Variants in P4HA2 observed in about 807,000 individuals in gnomAD.
P4HA2 encodes prolyl 4-hydroxylase subunit alpha 2.
In P4HA2, 46 loss-of-function variants were observed where a neutral mutation model predicts 76.9. That is an observed-to-expected ratio of 0.60 (90% CI 0.47 to 0.76). The LOEUF is 0.76. P4HA2 is among the 30% of genes least tolerant of loss of function. The pLI, the probability that P4HA2 is intolerant of heterozygous loss-of-function variation, is 0.00. For missense variants in P4HA2, 583 were observed against 669.4 expected, an observed-to-expected ratio of 0.87 and a Z score of 1.42; for synonymous variants, 243 against 254.0, an observed-to-expected ratio of 0.96 and a Z score of 0.41.
chr5:132,224,450 A>C (rs1755073247), intron 1 of P4HA2, among the ~76,000 whole-genome samples: 1 of 152,254 alleles, frequency 6.6e-6, no homozygotes. Flanking sequence ...GAGAAACATC[A>C]GTGGACCTGA....
intron 4 of P4HA2, 119 bp from the exon 5 acceptor site, chr5:132,214,172 C>T: frequency 2.0e-6 from 2 of 983,704 alleles, no homozygotes; most frequent in Non-Finnish European, 3.0e-6. Flanking sequence ...CGCCCCCTCC[C>T]TCAAAGGCTG....
rs894382745 is a variant in P4HA2 at position 132,194,931 on chromosome 5, T to C, written c.1526A>G (p.Lys509Arg). Reference protein sequence around the residue: ...HAACPVLVGCKWVSNKWFHER... With the variant: ...HAACPVLVGCRWVSNKWFHER... ...CTACCCCTTAAGACACTCACCCCAC[T>C]TGCAGCCCACAAGCACAGGGCAGGC... The change falls in exon 14 of 15, where the codon AAG becomes AGG. Residue 509 changes from lysine to arginine, a missense_variant. By Grantham distance (26) the Lys-to-Arg change is conservative. Coordinates refer to ENST00000360568, the MANE Select transcript of P4HA2 (RefSeq NM_001017974.2). The C allele has an allele frequency of 6.2e-6, 10 of 1,609,324 alleles. No homozygotes were observed. Among genetic ancestry groups the C allele is most frequent in the Non-Finnish European group, 8.5e-6 (10 of 1,175,716 alleles).
intron 8 of P4HA2, 36 bp downstream of exon 8, chr5:132,207,671 CT>C: frequency 6.3e-7 from 1 of 1,588,008 alleles, no homozygotes; most frequent in Non-Finnish European, 8.6e-7. Context: ...GACCTTCCCC[CT>C]TCAGTGACCC....
intron 1 of P4HA2, among the ~76,000 whole-genome samples, chr5:132,219,335 A>G (rs1422578728): frequency 6.6e-6 from 1 of 152,136 alleles, no homozygotes; most frequent in African/African-American, 2.4e-5. Context: ...TTCATTCACA[A>G]ATATTTACTG....
rs1755614420 is a variant in P4HA2 at position 132,227,834 on chromosome 5, T to C, written c.-63A>G. 1 of 152,202 alleles carries C rather than the reference T, an allele frequency of 6.6e-6. No homozygotes were observed. Among genetic ancestry groups the C allele is most frequent in the Non-Finnish European group, 1.5e-5 (1 of 68,074 alleles). 9.4% of individuals were successfully genotyped at this position (152,202 alleles called of 1,614,324 possible). ...GGCGTTTCCAGAACCTCCCGCGGCG[T>C]CGCCCGGTCAGCTCGGCGCCTCCTC... On this transcript the variant is annotated 5_prime_UTR_variant, in exon 1 of 15. Transcript: ENST00000360568.
chr5:132,214,221 A>G (rs1265530625), intron 4 of P4HA2, among the ~76,000 whole-genome samples, 168 bp from the exon 5 acceptor site: 3 of 146,702 alleles, frequency 2.0e-5, no homozygotes, highest in African/African-American at 7.6e-5. Context: ...TGATGACTCC[A>G]GTCTATGGGG....
At chr5:132,217,633 C>T in intron 3 of P4HA2, 119 bp downstream of exon 3, 1 of 751,890 alleles carries the variant, frequency 1.3e-6, no homozygotes. Context: ...AGTAACCAGG[C>T]CAGCCCCACA....
At chr5:132,226,232 T>C (rs569947241) in intron 1 of P4HA2, among the ~76,000 whole-genome samples, 1 of 152,108 alleles carries the variant, frequency 6.6e-6, no homozygotes, top group Admixed American at 6.5e-5. Context: ...AAACATCCTA[T>C]AAATTCTTAG....
At chr5:132,195,762 G>A in intron 12 of P4HA2, 3 of 494,728 alleles carry the variant, frequency 6.1e-6, no homozygotes, top group Non-Finnish European at 1.1e-5. Context: ...ATCTGAGTCT[G>A]TACTCAGAAA....
intron 5 of P4HA2, among the ~76,000 whole-genome samples, chr5:132,211,224 G>A (rs986373661): frequency 6.6e-6 from 1 of 152,230 alleles, no homozygotes; most frequent in Non-Finnish European, 1.5e-5. Context: ...TGTAGAGGGA[G>A]TGCTGGAAAG....
chr5:132,205,216 C>T (rs1343865741), intron 8 of P4HA2, among the ~76,000 whole-genome samples: 1 of 152,152 alleles, frequency 6.6e-6, no homozygotes, highest in African/African-American at 2.4e-5. Context: ...AGAATAGCTT[C>T]CTAGGGGAGG....
rs1754043035 is a variant in P4HA2, at chr5:132,217,288, C to T, written c.240G>A (p.Leu80=). Residue 80 remains leucine (L), a synonymous_variant, in exon 4 of 15, where the codon CTG becomes CTA. Transcript: ENST00000360568. The part of the protein sequence containing the change: ...SKSAADAEGY[L]AHPVNAYKLV... ...GTTTGTAGGCATTCACAGGGTGAGC[C>T]AGGTAGCCCTCAGCATCAGCAGCTG... is the stretch of plus-strand genomic sequence containing the variant. 6.2e-7 allele frequency: 1 copy of T among 1,614,046 alleles called. No individual in the cohort carries two copies. Among genetic ancestry groups the T allele is most frequent in the African/African-American group, 1.3e-5 (1 of 74,930 alleles).
chr5:132,196,018 C>T (rs879392535), intron 12 of P4HA2, among the ~76,000 whole-genome samples: 1 of 152,110 alleles, frequency 6.6e-6, no homozygotes, highest in Non-Finnish European at 1.5e-5. Flanking sequence ...CTCTAGAGGC[C>T]CTGCTTTCTC....
Position 132,211,540 on chromosome 5 carries a change from G to A in P4HA2, c.470-1017C>T, listed in dbSNP as rs80339197. ...TCAGAGACCAGGGTCTGCTAACCCC[G>A]GTGGCTCAGGAACCAATAACGAGGA... is the stretch of plus-strand genomic sequence containing the variant. On this transcript the variant is annotated intron_variant, in intron 5 of 14. Transcript: ENST00000360568. 8.3e-3 allele frequency among the ~76,000 whole-genome samples: 1,266 copies of A among 152,258 alleles called. 13 individuals are homozygous for A. The highest frequency in any genetic ancestry group is 0.013 in the Non-Finnish European group (877 of 68,026).
At chr5:132,208,365 G>A (rs1329081692) in intron 7 of P4HA2, among the ~76,000 whole-genome samples, 3 of 88,872 alleles carry the variant, frequency 3.4e-5, no homozygotes, top group East Asian at 3.8e-4. Flanking sequence ...GAGGGAGGGA[G>A]GGGAGGAGAG....
Position 132,209,330 on chromosome 5 carries a change from G to T in P4HA2, c.711C>A (p.Asp237Glu), listed in dbSNP as rs1206121397. The change falls in exon 7 of 15, where the codon GAC (aspartate) becomes GAA (glutamate). Residue 237 changes from aspartate to glutamate, a missense_variant and splice_region_variant. By Grantham distance (45) the Asp-to-Glu change is conservative. Transcript: ENST00000360568. ...LELTRRLLSL[D>E]PSHERAGGNL... The stretch of plus-strand genomic sequence containing the variant: ...TCCCTCCAGCTCGTTCGTGGCTTGG[G>T]TCTAGAAAATGCAAGGAATGAGAAG... 1 of 1,611,502 alleles carries T rather than the reference G, an allele frequency of 6.2e-7. No individual in the cohort carries two copies. The highest frequency in any genetic ancestry group is 1.3e-5 in the African/African-American group (1 of 74,818).
rs200565501 is a variant in P4HA2, at chr5:132,214,044, G to A, written c.341C>T (p.Ala114Val). 27 of 1,614,002 alleles carry A rather than the reference G, an allele frequency of 1.7e-5. No homozygotes were observed. The highest frequency in any genetic ancestry group is 2.3e-5 in the Non-Finnish European group (27 of 1,179,960). ...VLQDSAAGFI[A>V]NLSVQRQFFP... ...GAACTGCCGCTGCACAGAGAGGTTG[G>A]CGATAAAACCTTCCAAATGAGAGTC... Residue 114 changes from alanine (A) to valine (V), a missense_variant, in exon 5 of 15, where the codon GCC becomes GTC. Ala to Val is a moderately conservative substitution (Grantham distance 64). Transcript: ENST00000360568.
chr5:132,190,523 T>A lies in P4HA2; in HGVS notation c.*2487A>T, dbSNP rs1749813555. ...GGATTATTACTACAGAAAAAGCCCA[T>A]CCTATCCTAATAAAATATGCAAAAA... On this transcript the variant is annotated 3_prime_UTR_variant, in exon 15 of 15. Transcript: ENST00000360568. 6.6e-6 allele frequency among the ~76,000 whole-genome samples: 1 copy of A among 152,168 alleles called. No homozygotes were observed. The highest frequency in any genetic ancestry group is 2.1e-4 in the South Asian group (1 of 4,826).
chr5:132,216,060 G>A (rs1219487470), intron 4 of P4HA2, among the ~76,000 whole-genome samples: 1 of 150,738 alleles, frequency 6.6e-6, no homozygotes, highest in Non-Finnish European at 1.5e-5. Flanking sequence ...AGCTAGTCAG[G>A]AGGCTGAGGC....
Sources: allele counts gnomAD v4.1 joint callset (sites outside exome capture counted in the v4.1 genomes callset), GRCh38; gene constraint gnomAD v4.1.1; transcripts MANE v1.5; gene names NCBI Gene and HGNC (gene_info 2026-07-23, HGNC 2026-07-21).